ABCG1: variants seen among roughly 807,000 people sequenced by gnomAD.
ABCG1 encodes ATP-binding cassette sub-family G member 1.
In ABCG1, 29 loss-of-function variants were observed where a neutral mutation model predicts 69.2. That is an observed-to-expected ratio of 0.42 (90% CI 0.31 to 0.57). The LOEUF (loss-of-function observed/expected upper bound fraction) is 0.57. ABCG1 is among the 20% of genes least tolerant of loss of function. The pLI is 0.15. For missense variants in ABCG1, 718 were observed against 898.1 expected (o/e 0.80, Z 2.56); for synonymous variants, 370 against 374.8 (o/e 0.99, Z 0.15).
intron 5 of ABCG1, among the ~76,000 whole-genome samples, 177 bp downstream of exon 5, chr21:42,277,122 G>C (rs1047371860): frequency 6.6e-6 from 1 of 152,184 alleles, no homozygotes; most frequent in Non-Finnish European, 1.5e-5. Context: ...AGCAGCCAGA[G>C]GCCAAGAAAG....
At chr21:42,242,746 G>A (rs946584892) in intron 2 of ABCG1, among the ~76,000 whole-genome samples, 1 of 152,174 alleles carries the variant, frequency 6.6e-6, no homozygotes. Flanking sequence ...CCATGAACCG[G>A]GGCAGTGAAC....
rs1042612832 is a variant in ABCG1, at chr21:42,288,749, G to A, written c.1224+437G>A. Among the ~76,000 whole-genome samples, 9 of 151,596 alleles carry A rather than the reference G, an allele frequency of 5.9e-5. No individual in the cohort carries two copies. The highest frequency in any genetic ancestry group is 1.9e-4 in the African/African-American group (8 of 41,266). ...AAAGAAAGGAAGGGAAAGGGAAAGG[G>A]AGAAAGGAAGGGAAGGGAAGGAAAG... On this transcript the variant is annotated intron_variant, in intron 10 of 14. Coordinates refer to ENST00000398449, the MANE Select transcript of ABCG1 (RefSeq NM_016818.3). This position sits in a 1 kb window ranked among gnomAD's most constrained non-coding sequence, Gnocchi z 4.8.
chr21:42,223,727 T>C (rs1214778959), intron 1 of ABCG1, among the ~76,000 whole-genome samples: 2 of 152,232 alleles, frequency 1.3e-5, no homozygotes, highest in African/African-American at 4.8e-5. Context: ...GCTCAGTTTG[T>C]CCAGTGAATG....
At chr21:42,240,372 CCTAGGGCCA>C (rs2068033732) in intron 2 of ABCG1, among the ~76,000 whole-genome samples, 1 of 152,240 alleles carries the variant, frequency 6.6e-6, no homozygotes, top group Admixed American at 6.5e-5. Flanking sequence ...CCAGTGACTG[CCTAGGGCCA>C]TGGCCCTTTT....
Position 42,225,698 on chromosome 21 carries a change from A to G in ABCG1, c.70A>G (p.Thr24Ala). The G allele has an allele frequency of 6.2e-7, 1 of 1,612,268 alleles. No individual in the cohort carries two copies. The highest frequency in any genetic ancestry group is 8.5e-7 in the Non-Finnish European group (1 of 1,179,688). ...MNASSYSAEM[T>A]EPKSVCVSVD... The stretch of plus-strand genomic sequence containing the variant: ...TGCCAGCAGTTACTCTGCAGAGATG[A>G]CGGAGCCCAAGTCGGTGTGTGTCTC... Residue 24 changes from threonine (T) to alanine (A), a missense_variant, in exon 2 of 15, where the codon ACG becomes GCG. Around this residue, in one of 2 missense-constraint regions of ABCG1, gnomAD observed 514 missense variants for 574.3 expected, o/e 0.90. Transcript: ENST00000398449.
At chr21:42,240,295 C>T (rs1343731318) in intron 2 of ABCG1, among the ~76,000 whole-genome samples, 1 of 152,206 alleles carries the variant, frequency 6.6e-6, no homozygotes, top group Non-Finnish European at 1.5e-5. Flanking sequence ...AGGTGGACCC[C>T]AGGACCAAGC....
chr21:42,287,858 C>A lies in ABCG1; in HGVS notation c.974-31C>A. 1 of 1,528,354 alleles carries A rather than the reference C, an allele frequency of 6.5e-7. No individual in the cohort carries two copies. Among genetic ancestry groups the A allele is most frequent in the Non-Finnish European group, 8.8e-7 (1 of 1,136,046 alleles). The allele number at this position is 1,528,354 out of a possible 1,614,324, so 94.7% of individuals were successfully genotyped here. A position where few individuals can be genotyped will look rare whatever the true frequency, so the allele number is the denominator to read the frequency against. ...GTGGTTGGGGTGTCCTTCCTGGAGC[C>A]CGGGCTGACCCCCGTCTGTGTCTCC... On this transcript the variant is annotated intron_variant, in intron 8 of 14. Transcript: ENST00000398449. This position sits in a 1 kb window ranked among gnomAD's most constrained non-coding sequence, Gnocchi z 6.2.
Position 42,271,149 on chromosome 21 carries a change from C to T in ABCG1, c.366C>T (p.Ala122=), listed in dbSNP as rs140957193. Residue 122 remains alanine (A), a synonymous_variant, in exon 3 of 15, where the codon GCC becomes GCT. Coordinates refer to ENST00000398449, the MANE Select transcript of ABCG1 (RefSeq NM_016818.3). ...ELVAIMGPSG[A]GKSTLMNILA... The stretch of plus-strand genomic sequence containing the variant: ...TGGCCATTATGGGTCCTTCCGGGGC[C>T]GGGAAGTCCACGCTGATGAACATCC... 66 of 1,577,832 alleles carry T rather than the reference C, an allele frequency of 4.2e-5. No individual in the cohort carries two copies. In the Middle Eastern group the frequency reaches 8.3e-4, roughly 20 times the overall value.
intron 2 of ABCG1, chr21:42,259,175 TGA>T (rs2068360897): frequency 7.2e-7 from 1 of 1,380,972 alleles, no homozygotes; most frequent in Non-Finnish European, 9.5e-7. Context: ...TGTCTTGGTG[TGA>T]GAGAGACGAC....
chr21:42,280,060 G>A (rs2068779521), intron 5 of ABCG1, among the ~76,000 whole-genome samples: 2 of 152,212 alleles, frequency 1.3e-5, no homozygotes, highest in South Asian at 4.1e-4. Flanking sequence ...CGGCTGGATT[G>A]AACAATGCAG....
intron 2 of ABCG1, among the ~76,000 whole-genome samples, chr21:42,255,065 T>G (rs2068280154): frequency 6.6e-6 from 1 of 152,244 alleles, no homozygotes; most frequent in Non-Finnish European, 1.5e-5. Flanking sequence ...CCAGCCAGGT[T>G]TAGAAGCCTG....
intron 3 of ABCG1, among the ~76,000 whole-genome samples, chr21:42,272,996 C>A (rs147994246): frequency 6.6e-6 from 1 of 152,228 alleles, no homozygotes. Flanking sequence ...ACCATCCCTG[C>A]CAATCTTTGT....
At chr21:42,213,862 T>C (rs2067612773), upstream of ABCG1, among the ~76,000 whole-genome samples, 1 of 152,236 alleles carries the variant, frequency 6.6e-6, no homozygotes, top group Non-Finnish European at 1.5e-5. Context: ...TGGAAGCACA[T>C]AACTTGTGTG....
chr21:42,219,296 A>G lies in ABCG1; in HGVS notation c.34A>G (p.Thr12Ala). 6.3e-7 allele frequency: 1 copy of G among 1,594,984 alleles called. No homozygotes were observed. Among genetic ancestry groups the G allele is most frequent in the Non-Finnish European group, 8.5e-7 (1 of 1,174,642 alleles). ...TCTGATGGCCGCTTTCTCGGTCGGC[A>G]CCGCCATGGTGAGTGAGCGCATCCT... Reference protein sequence around the residue: ...ACLMAAFSVGTAMNASSYSAE... With the variant: ...ACLMAAFSVGAAMNASSYSAE... The change falls in exon 1 of 15, where the codon ACC becomes GCC. Residue 12 changes from threonine (T) to alanine (A), a missense_variant. By Grantham distance (58) the Thr-to-Ala change is moderately conservative. Coordinates refer to ENST00000398449, the MANE Select transcript of ABCG1 (RefSeq NM_016818.3). The surrounding 1 kb of genome is among the most constrained non-coding windows in gnomAD (Gnocchi z 5.3).
In ABCG1 at chr21:42,296,686, A is replaced by G; in HGVS notation, c.*294A>G. 1 of 409,114 alleles carries G rather than the reference A, an allele frequency of 2.4e-6. No individual in the cohort carries two copies. Among genetic ancestry groups the G allele is most frequent in the Admixed American group, 3.6e-5 (1 of 27,406 alleles). 25.3% of individuals were successfully genotyped at this position (409,114 alleles called of 1,614,324 possible). ...CAACTGGGGCAGAATTTAAAGCTGCAACACAGCTGGTGATGAGAGGCTTCC... is the reference window on the plus strand; with the variant it reads ...CAACTGGGGCAGAATTTAAAGCTGCGACACAGCTGGTGATGAGAGGCTTCC... On this transcript the variant is annotated 3_prime_UTR_variant, in exon 15 of 15. Transcript: ENST00000398449. This position sits in a 1 kb window ranked among gnomAD's most constrained non-coding sequence, Gnocchi z 5.4.
In ABCG1 at chr21:42,291,516, T is replaced by C. The variant is rs770309071; in HGVS notation, c.1513T>C (p.Tyr505His). 6.2e-7 allele frequency: 1 copy of C among 1,611,714 alleles called. No homozygotes were observed. Among genetic ancestry groups the C allele is most frequent in the South Asian group, 1.1e-5 (1 of 90,998 alleles). ...VPFQIMFPVA[Y>H]CSIVYWMTSQ... ...TTTCCAGATCATGTTCCCAGTGGCC[T>C]ACTGCAGCATCGTGTACTGGATGAC... is the stretch of plus-strand genomic sequence containing the variant. Residue 505 changes from tyrosine to histidine, a missense_variant, in exon 13 of 15, where the codon TAC (tyrosine) becomes CAC (histidine). Tyr to His is a moderately conservative substitution (Grantham distance 83). Coordinates refer to ENST00000398449, the MANE Select transcript of ABCG1 (RefSeq NM_016818.3). The surrounding 1 kb of genome is among the most constrained non-coding windows in gnomAD (Gnocchi z 6.4).
upstream of ABCG1, among the ~76,000 whole-genome samples, chr21:42,214,726 C>G (rs2067621564): frequency 6.6e-6 from 1 of 152,244 alleles, no homozygotes; most frequent in Non-Finnish European, 1.5e-5. Flanking sequence ...TGGCTGGGAA[C>G]TTTTATCTTC....
chr21:42,281,086 G>A lies in ABCG1; in HGVS notation c.589-1188G>A, dbSNP rs569692028. ...ACCTGCCCTGGCCTGTCCAGCAGCC[G>A]TGCCCCGGTTCTTTCTGTCACCAAA... On this transcript the variant is annotated intron_variant, in intron 5 of 14. Transcript: ENST00000398449. 7.2e-5 allele frequency among the ~76,000 whole-genome samples: 11 copies of A among 152,328 alleles called. No homozygotes were observed. The East Asian group carries it at 7.7e-4, about 11-fold the overall frequency.
intron 2 of ABCG1, chr21:42,259,457 A>G (rs1601404867): frequency 1.3e-6 from 2 of 1,549,158 alleles, no homozygotes; most frequent in African/African-American, 1.4e-5. Flanking sequence ...TGTCTGGCCT[A>G]CAGGGCTCAA....
Sources: allele counts gnomAD v4.1 joint callset (sites outside exome capture counted in the v4.1 genomes callset), GRCh38; gene constraint gnomAD v4.1.1; regional missense constraint gnomAD v4.1.1; non-coding constraint Gnocchi (gnomAD v3.1); transcripts MANE v1.5; gene names NCBI Gene and HGNC (gene_info 2026-07-23, HGNC 2026-07-21).